GAA: variants seen among roughly 807,000 people sequenced by gnomAD.
GAA encodes lysosomal alpha-glucosidase.
GAA carries 88 observed loss-of-function variants against 103.9 expected under a neutral mutation model. The observed-to-expected ratio is 0.85, with a 90% CI of 0.71 to 1.01. The LOEUF (loss-of-function observed/expected upper bound fraction) is 1.01, where lower values mean the gene tolerates loss of function less well. Among genes scored for constraint, GAA ranks in the 50% least tolerant of loss-of-function variants. The pLI, the probability that GAA is intolerant of heterozygous loss-of-function variation, is 0.00. For missense variants in GAA, 1,350 were observed against 1,305.3 expected, an observed-to-expected ratio of 1.03 and a Z score of -0.53; for synonymous variants, 572 against 563.1, an observed-to-expected ratio of 1.02 and a Z score of -0.22.
Position 80,105,769 on chromosome 17 carries a change from G to A in GAA, c.567G>A (p.Arg189=). ...LHFTIKDPAN[R]RYEVPLETPH... ...TCTAGATCAAAGATCCAGCTAACAGGCGCTACGAGGTGCCCTTGGAGACCC... is the reference window on the plus strand; with the variant it reads ...TCTAGATCAAAGATCCAGCTAACAGACGCTACGAGGTGCCCTTGGAGACCC... Residue 189 remains arginine, a synonymous_variant, in exon 3 of 20, where the codon AGG becomes AGA. Transcript: ENST00000302262. 1 of 1,612,344 alleles carries A rather than the reference G, an allele frequency of 6.2e-7. No individual in the cohort carries two copies. Among genetic ancestry groups the A allele is most frequent in the East Asian group, 2.2e-5 (1 of 44,888 alleles).
At chr17:80,101,931 A>G (rs1416609948) in intron 1 of GAA, 41 bp downstream of exon 1, 1 of 152,260 alleles carries the variant, frequency 6.6e-6, no homozygotes, top group African/African-American at 2.4e-5. Context: ...CGGCGGTAAC[A>G]TCCCAGAAGC....
At chr17:80,111,909 G>A (rs2039243819) in intron 11 of GAA, 74 bp from the exon 12 acceptor site, 11 of 1,275,400 alleles carry the variant, frequency 8.6e-6, no homozygotes, top group Non-Finnish European at 1.2e-5. Flanking sequence ...GCTCCTGGGA[G>A]GTGGGGGGCA....
At position 80,105,786 on chromosome 17, in the gene GAA, T is replaced by C; in HGVS notation, c.584T>C (p.Leu195Ser). ...DPANRRYEVP[L>S]ETPHVHSRAP... ...GCTAACAGGCGCTACGAGGTGCCCT[T>C]GGAGACCCCGCATGTCCACAGCCGG... Residue 195 changes from leucine (L) to serine (S), a missense_variant, in exon 3 of 20, where the codon TTG (leucine) becomes TCG (serine). Physicochemically the swap from Leu to Ser is moderately radical, Grantham distance 145. Transcript: ENST00000302262. The C allele has an allele frequency of 1.2e-6, 2 of 1,612,270 alleles. No individual in the cohort carries two copies. The highest frequency in any genetic ancestry group is 1.7e-6 in the Non-Finnish European group (2 of 1,179,984).
intron 11 of GAA, 144 bp downstream of exon 11, chr17:80,111,169 TC>T: frequency 1.2e-6 from 1 of 854,940 alleles, no homozygotes; most frequent in South Asian, 1.5e-5. Context: ...GGAGAAAGGC[TC>T]AGGCTGGGAG....
chr17:80,117,794 G>A (rs948296493), intron 17 of GAA, 45 bp downstream of exon 17: 2 of 1,565,476 alleles, frequency 1.3e-6, no homozygotes, highest in Non-Finnish European at 8.6e-7. Flanking sequence ...ACAGCACACT[G>A]CAGAGCTGGG....
rs576254897 is a variant in GAA, at chr17:80,102,966, A to C, written c.-33+1076A>C. The stretch of plus-strand genomic sequence containing the variant: ...CCGTGTCCAGAAAGTTGCAGAATTG[A>C]TGGGTGTGAGAAAAACCCTACACAT... On this transcript the variant is annotated intron_variant, in intron 1 of 19. Coordinates refer to ENST00000302262, the MANE Select transcript of GAA (RefSeq NM_000152.5). Among the ~76,000 whole-genome samples the C allele has an allele frequency of 2.0e-5, 3 of 152,330 alleles. No homozygotes were observed. In the East Asian group the frequency reaches 5.8e-4, roughly 29 times the overall value.
chr17:80,118,883 T>C, intron 19 of GAA, 78 bp downstream of exon 19: 1 of 1,533,608 alleles, frequency 6.5e-7, no homozygotes, highest in Non-Finnish European at 8.9e-7. Context: ...GGCGTCCTGG[T>C]GACCGATGCC....
At chr17:80,111,155 C>T (rs2039229723) in intron 11 of GAA, 130 bp downstream of exon 11, 11 of 901,698 alleles carry the variant, frequency 1.2e-5, no homozygotes, top group Non-Finnish European at 1.9e-5. Context: ...GGGGGGGATC[C>T]CCAGGAGAAA....
intron 12 of GAA, 149 bp downstream of exon 12, chr17:80,112,249 C>T (rs950951521): frequency 1.3e-6 from 1 of 764,926 alleles, no homozygotes; most frequent in Non-Finnish European, 2.2e-6. Context: ...CCACCCGCTG[C>T]CTGCACCCCA....
Position 80,110,021 on chromosome 17 carries a change from T to A in GAA, c.1403T>A (p.Ile468Asn). Residue 468 changes from isoleucine to asparagine, a missense_variant, in exon 9 of 20, where the codon ATC becomes AAC. Ile to Asn is a moderately radical substitution (Grantham distance 149). Coordinates refer to ENST00000302262, the MANE Select transcript of GAA (RefSeq NM_000152.5). ...GAGGGTCTGCGGAGGGGGGTTTTCATCACCAACGAGACCGGCCAGCCGCTG... is the reference window on the plus strand; with the variant it reads ...GAGGGTCTGCGGAGGGGGGTTTTCAACACCAACGAGACCGGCCAGCCGCTG... ...YDEGLRRGVF[I>N]TNETGQPLIG... 6.2e-7 allele frequency: 1 copy of A among 1,613,118 alleles called. No homozygotes were observed. Among genetic ancestry groups the A allele is most frequent in the Non-Finnish European group, 8.5e-7 (1 of 1,179,896 alleles).
chr17:80,105,256 G>T, intron 2 of GAA, 124 bp downstream of exon 2: 3 of 997,082 alleles, frequency 3.0e-6, no homozygotes, highest in South Asian at 1.6e-5. Context: ...TGCTGGGAGC[G>T]GAGGTGTGAG....
At chr17:80,116,891 GC>G in intron 15 of GAA, 76 bp from the exon 16 acceptor site, 1 of 1,542,638 alleles carries the variant, frequency 6.5e-7, no homozygotes, top group South Asian at 1.1e-5. Context: ...CTCTTCCTGT[GC>G]CTCCCCAGGG....
chr17:80,111,607 GAGA>G (rs1199100203), intron 11 of GAA: 4 of 338,162 alleles, frequency 1.2e-5, no homozygotes, highest in Non-Finnish European at 2.2e-5. Flanking sequence ...ATGGGCCTGG[GAGA>G]AGGTTTGGGG....
intron 8 of GAA, 138 bp from the exon 9 acceptor site, chr17:80,109,807 G>A (rs2039186233): frequency 4.5e-6 from 3 of 663,908 alleles, no homozygotes; most frequent in Non-Finnish European, 8.0e-6. Context: ...GTGCAGGCAT[G>A]TGCAGGTACA....
intron 1 of GAA, among the ~76,000 whole-genome samples, chr17:80,103,814 A>G (rs2039008311): frequency 6.6e-6 from 1 of 152,054 alleles, no homozygotes; most frequent in Non-Finnish European, 1.5e-5. Context: ...CTGGAGTGTC[A>G]CCCTCAGCTG....
Position 80,105,080 on chromosome 17 carries a change from T to G in GAA, c.494T>G (p.Leu165Arg). 1 of 1,612,538 alleles carries G rather than the reference T, an allele frequency of 6.2e-7. No homozygotes were observed. The highest frequency in any genetic ancestry group is 8.5e-7 in the Non-Finnish European group (1 of 1,179,964). Residue 165 changes from leucine to arginine, a missense_variant, in exon 2 of 20, where the codon CTG (leucine) becomes CGG (arginine). Coordinates refer to ENST00000302262, the MANE Select transcript of GAA (RefSeq NM_000152.5). ...CCCACCTTCTTCCCCAAGGACATCC[T>G]GACCCTGCGGCTGGACGTGATGATG... ...TTPTFFPKDI[L>R]TLRLDVMMET...
intron 11 of GAA, 106 bp downstream of exon 11, chr17:80,111,131 G>T: frequency 9.9e-7 from 1 of 1,014,950 alleles, no homozygotes; most frequent in East Asian, 2.6e-5. Flanking sequence ...ATGGGCCAGC[G>T]GGGAAAGGGG....
intron 15 of GAA, among the ~76,000 whole-genome samples, chr17:80,113,616 A>T (rs1279462622): frequency 6.6e-6 from 1 of 152,216 alleles, no homozygotes; most frequent in Non-Finnish European, 1.5e-5. Flanking sequence ...TTGAGGGAGG[A>T]TTCCCAGAGA....
At position 80,105,144 on chromosome 17, in the gene GAA, A is replaced by C; in HGVS notation, c.546+12A>C. ...GCCTCCACTTCACGGTGGGCAGGGC[A>C]GGGGCGGGGGCGGCGGCCAGGGCAG... On this transcript the variant is annotated intron_variant, in intron 2 of 19. Transcript: ENST00000302262. The C allele has an allele frequency of 6.3e-7, 1 of 1,599,428 alleles. No individual in the cohort carries two copies. The highest frequency in any genetic ancestry group is 8.5e-7 in the Non-Finnish European group (1 of 1,175,302).
Sources: allele counts gnomAD v4.1 joint callset (sites outside exome capture counted in the v4.1 genomes callset), GRCh38; gene constraint gnomAD v4.1.1; transcripts MANE v1.5; gene names NCBI Gene and HGNC (gene_info 2026-07-23, HGNC 2026-07-21).